GLIS1: variants seen among roughly 807,000 people sequenced by gnomAD.
GLIS1 encodes the protein zinc finger protein GLIS1.
In GLIS1, 24 loss-of-function variants were observed where a neutral mutation model predicts 63.8. The ratio of observed to expected loss-of-function variants is 0.38; its 90% CI spans 0.27 to 0.53. The LOEUF is 0.53. Among genes scored for constraint, GLIS1 ranks in the 20% least tolerant of loss-of-function variants. The pLI, the probability that GLIS1 is intolerant of heterozygous loss-of-function variation, is 0.85. For synonymous variants in GLIS1, 450 were observed against 482.5 expected, an observed-to-expected ratio of 0.93 and a Z score of 0.88; for missense variants, 1,036 against 1,074.1, an observed-to-expected ratio of 0.96 and a Z score of 0.50.
chr1:53,610,642 C>T (rs1197807678), intron 2 of GLIS1, among the ~76,000 whole-genome samples: 2 of 152,150 alleles, frequency 1.3e-5, no homozygotes, highest in Non-Finnish European at 2.9e-5. Context: ...CTATGGTGTG[C>T]CTAGGTGTGC....
At chr1:53,696,656 C>G (rs199534792) in intron 2 of GLIS1, among the ~76,000 whole-genome samples, 3 of 151,832 alleles carry the variant, frequency 2.0e-5, no homozygotes, top group Middle Eastern at 3.4e-3. Flanking sequence ...TATTTCTCTC[C>G]TTCCCTCCAC....
rs150807755 is a variant in GLIS1, at chr1:53,602,881, G to A, written c.260-2603C>T. On this transcript the variant is annotated intron_variant, in intron 2 of 10. Transcript: ENST00000628545. ...TGAGGGTCATGTTGGAGAGCCTCTG[G>A]GAAAGTAAAAAGGAAAACCATCATA... 2.6e-3 allele frequency among the ~76,000 whole-genome samples: 403 copies of A among 152,296 alleles called. 5 individuals carry two copies. The highest frequency in any genetic ancestry group is 1.2e-3 in the Non-Finnish European group (80 of 68,028).
rs981405438 is a variant in GLIS1 at position 53,526,869 on chromosome 1, G to A, written c.1483-1982C>T. ...TGAGCCTGTGGGAAACCCTGTGGCC[G>A]TCCCCAGCCAGCAGCCAAGCTCCGC... On this transcript the variant is annotated intron_variant, in intron 5 of 10. Transcript: ENST00000628545. The surrounding 1 kb of genome is among the most constrained non-coding windows in gnomAD (Gnocchi z 4.4). Among the ~76,000 whole-genome samples the A allele has an allele frequency of 1.4e-4, 22 of 152,348 alleles. No individual in the cohort carries two copies. The highest frequency in any genetic ancestry group is 4.1e-4 in the African/African-American group (17 of 41,594).
intron 2 of GLIS1, among the ~76,000 whole-genome samples, chr1:53,640,914 A>G (rs533829147): frequency 4.6e-5 from 7 of 152,230 alleles, no homozygotes; most frequent in African/African-American, 1.7e-4. Flanking sequence ...TGCGAGATTA[A>G]GAAGACGTGG....
chr1:53,735,308 C>A (rs1646902220), intron 2 of GLIS1, among the ~76,000 whole-genome samples: 1 of 152,158 alleles, frequency 6.6e-6, no homozygotes, highest in Admixed American at 6.5e-5. Flanking sequence ...TGTCACTGAC[C>A]CTTGCATGGG....
At chr1:53,588,192 C>T (rs1645154819) in intron 4 of GLIS1, among the ~76,000 whole-genome samples, 1 of 152,170 alleles carries the variant, frequency 6.6e-6, no homozygotes, top group South Asian at 2.1e-4. Flanking sequence ...AACCTCAGCT[C>T]CTGGCTCCCC....
chr1:53,533,659 G>A (rs1644553682), intron 4 of GLIS1, among the ~76,000 whole-genome samples: 3 of 152,214 alleles, frequency 2.0e-5, no homozygotes, highest in Admixed American at 6.5e-5. Context: ...GGATGCTGCA[G>A]GCACCCCTGG....
chr1:53,580,820 A>C (rs1386084008), intron 4 of GLIS1, among the ~76,000 whole-genome samples: 1 of 152,136 alleles, frequency 6.6e-6, no homozygotes, highest in Non-Finnish European at 1.5e-5. Flanking sequence ...TTCCTGCTGC[A>C]TTCTTGGCTG....
At chr1:53,516,128 T>C (rs1644350637) in intron 7 of GLIS1, among the ~76,000 whole-genome samples, 1 of 152,108 alleles carries the variant, frequency 6.6e-6, no homozygotes, top group African/African-American at 2.4e-5. Context: ...GCTGCACTGA[T>C]GTGGTGTCCA....
intron 2 of GLIS1, among the ~76,000 whole-genome samples, chr1:53,637,270 C>T (rs17382914): frequency 0.15 from 22,848 of 152,152 alleles, 2,003 homozygotes; most frequent in South Asian, 0.26. Context: ...TCAGAAGAGG[C>T]TCCCAGGAGG....
chr1:53,694,587 C>T (rs1189852528), intron 2 of GLIS1, among the ~76,000 whole-genome samples: 1 of 152,180 alleles, frequency 6.6e-6, no homozygotes, highest in African/African-American at 2.4e-5. Context: ...GGAAGAAAGC[C>T]CAAGCTGGGC....
At chr1:53,625,508 A>T (rs894603729) in intron 2 of GLIS1, among the ~76,000 whole-genome samples, 12 of 152,170 alleles carry the variant, frequency 7.9e-5, no homozygotes, top group Non-Finnish European at 1.6e-4. Flanking sequence ...AACCATTTTC[A>T]TTCATTAATT....
chr1:53,600,784 G>T (rs1440621406), intron 2 of GLIS1, among the ~76,000 whole-genome samples: 2 of 152,208 alleles, frequency 1.3e-5, no homozygotes, highest in African/African-American at 4.8e-5. Context: ...ATCTGGTACA[G>T]TTAACACAAA....
chr1:53,653,530 C>T (rs1438079935), intron 2 of GLIS1, among the ~76,000 whole-genome samples: 2 of 152,192 alleles, frequency 1.3e-5, no homozygotes, highest in Non-Finnish European at 2.9e-5. Flanking sequence ...TTCTCTAGCT[C>T]ATTCTGTTTT....
rs1262821072 is a variant in GLIS1, at chr1:53,714,804, G to A, written c.259+23002C>T. On this transcript the variant is annotated intron_variant, in intron 2 of 10. Coordinates refer to ENST00000628545, the MANE Select transcript of GLIS1 (RefSeq NM_001367484.1). ...CAGCAAAGGATGTGCCACCCACTTG[G>A]AGTCAGGGCCCACTGTGCAGCAAGC... Among the ~76,000 whole-genome samples, 3 of 152,376 alleles carry A rather than the reference G, an allele frequency of 2.0e-5. No homozygotes were observed. In the East Asian group the frequency reaches 5.8e-4, roughly 29 times the overall value.
intron 3 of GLIS1, 136 bp from the exon 4 acceptor site, chr1:53,595,126 G>A (rs76322635): frequency 1.1e-5 from 7 of 658,982 alleles, no homozygotes; most frequent in East Asian, 9.8e-5. Flanking sequence ...GAGGGCTAGA[G>A]GCAGAGAAAG....
chr1:53,540,734 G>A (rs780982000), intron 4 of GLIS1, among the ~76,000 whole-genome samples: 16 of 152,162 alleles, frequency 1.1e-4, no homozygotes, highest in African/African-American at 3.4e-4. Flanking sequence ...ACCAGGGACC[G>A]CCTGCCCAGG....
intron 2 of GLIS1, among the ~76,000 whole-genome samples, chr1:53,603,607 G>A (rs1400712483): frequency 6.6e-6 from 1 of 152,174 alleles, no homozygotes; most frequent in African/African-American, 2.4e-5. Flanking sequence ...AGACCCAGAT[G>A]GAGGAGGTCC....
chr1:53,663,691 G>T (rs770305089), intron 2 of GLIS1, among the ~76,000 whole-genome samples: 2 of 152,150 alleles, frequency 1.3e-5, no homozygotes, highest in Non-Finnish European at 2.9e-5. Flanking sequence ...CTGGTGAGTC[G>T]CTGGCCAACT....
Sources: gnomAD v4.1 joint callset for allele counts (sites outside exome capture counted in the v4.1 genomes callset) on GRCh38, gnomAD v4.1.1 for gene constraint, Gnocchi (gnomAD v3.1) non-coding constraint, MANE v1.5 for transcripts, NCBI Gene and HGNC (gene_info 2026-07-23, HGNC 2026-07-21) for gene names.